The following EVC2 variants were observed in gnomAD, a reference collection of about 807,000 sequenced individuals.
The protein encoded by EVC2 is limbin.
A neutral mutation model predicts 149.3 loss-of-function variants in EVC2; 148 were observed. The observed-to-expected ratio is 0.99, with a 90% confidence interval of 0.87 to 1.14. The LOEUF is 1.14. Ranked by LOEUF, EVC2 falls within the 50% of genes most tolerant of loss-of-function variation. EVC2 has a pLI of 0.00. For synonymous variants in EVC2, 776 were observed against 649.9 expected, an observed-to-expected ratio of 1.19 and a Z score of -2.95; for missense variants, 1,854 against 1,627.3, an observed-to-expected ratio of 1.14 and a Z score of -2.40.
In EVC2 at chr4:5,597,483, T is replaced by C. The variant is rs544777428; in HGVS notation, c.2830-12633A>G. On this transcript the variant is annotated intron_variant, in intron 16 of 21. Transcript: ENST00000344408. Reference sequence around the variant, plus strand: ...GACAAAAACCACATGATTATCTCAATAGATGCAGAAAAGGCCTTTGACAAA... The same window carrying C: ...GACAAAAACCACATGATTATCTCAACAGATGCAGAAAAGGCCTTTGACAAA... 3.4e-3 allele frequency among the ~76,000 whole-genome samples: 519 copies of C among 151,208 alleles called. 1 individual carries two copies. The highest frequency in any genetic ancestry group is 6.8e-3 in the Middle Eastern group (2 of 294).
chr4:5,611,362 C>G (rs928992441), intron 16 of EVC2, among the ~76,000 whole-genome samples: 1 of 152,096 alleles, frequency 6.6e-6, no homozygotes, highest in Admixed American at 6.6e-5. Context: ...TGGTATCTGA[C>G]AGGAATTTGA....
At chr4:5,609,826 G>A (rs1220510160) in intron 16 of EVC2, among the ~76,000 whole-genome samples, 1 of 152,236 alleles carries the variant, frequency 6.6e-6, no homozygotes, top group African/African-American at 2.4e-5. Flanking sequence ...GAGAGCTTCT[G>A]CTTCCCGTGC....
chr4:5,682,737 T>A (rs1010594747), intron 6 of EVC2, among the ~76,000 whole-genome samples: 3 of 151,216 alleles, frequency 2.0e-5, no homozygotes, highest in African/African-American at 7.3e-5. Flanking sequence ...TGGGTGCCTG[T>A]AATTCCAGCT....
chr4:5,680,579 T>C (rs962522279), intron 7 of EVC2, among the ~76,000 whole-genome samples: 7 of 152,156 alleles, frequency 4.6e-5, no homozygotes, highest in Non-Finnish European at 4.4e-5. Context: ...GGGGTGGGTG[T>C]TGGGGACCCT....
At chr4:5,534,936 T>TA in the EVC2 span, among the ~76,000 whole-genome samples, 1 of 140,412 alleles carries the variant, frequency 7.1e-6, no homozygotes, top group African/African-American at 2.6e-5. Context: ...ACAGGAGAAT[T>TA]TAAAAAAAAA....
chr4:5,607,534 G>C (rs886561015), intron 16 of EVC2, among the ~76,000 whole-genome samples: 1 of 152,036 alleles, frequency 6.6e-6, no homozygotes, highest in Non-Finnish European at 1.5e-5. Context: ...TGGTCACTTT[G>C]GCCCCACAGG....
chr4:5,642,478 C>A (rs1717410131), intron 9 of EVC2, among the ~76,000 whole-genome samples: 1 of 152,118 alleles, frequency 6.6e-6, no homozygotes, highest in Non-Finnish European at 1.5e-5. Flanking sequence ...ATGTGATAGA[C>A]CACCATTCAA....
intron 9 of EVC2, among the ~76,000 whole-genome samples, chr4:5,641,711 A>G (rs1266923576): frequency 6.6e-6 from 1 of 152,212 alleles, no homozygotes; most frequent in Non-Finnish European, 1.5e-5. Context: ...CAAATAAAAA[A>G]AGGATTCATT....
chr4:5,609,839 G>A (rs1213500792), intron 16 of EVC2, among the ~76,000 whole-genome samples: 1 of 152,194 alleles, frequency 6.6e-6, no homozygotes, highest in Non-Finnish European at 1.5e-5. Flanking sequence ...TCCCGTGCTG[G>A]GTCTGCCACT....
In EVC2 at chr4:5,636,489, T is replaced by G. The variant is rs1180185546; in HGVS notation, c.1470+4025A>C. On this transcript the variant is annotated intron_variant, in intron 10 of 21. Transcript: ENST00000344408. The surrounding 1 kb of genome is among the most constrained non-coding windows in gnomAD (Gnocchi z 4.6). Reference sequence around the variant, plus strand: ...CATTCCCTAAACTATTTTTTATGCATTTATACAAACTATTTATAACTACAT... The same window carrying G: ...CATTCCCTAAACTATTTTTTATGCAGTTATACAAACTATTTATAACTACAT... Among the ~76,000 whole-genome samples the G allele has an allele frequency of 1.1e-4, 16 of 152,228 alleles. No homozygotes were observed. Among genetic ancestry groups the G allele is most frequent in the Admixed American group, 6.5e-4 (10 of 15,290 alleles).
intron 21 of EVC2, among the ~76,000 whole-genome samples, chr4:5,556,520 C>T (rs1363131998): frequency 1.3e-5 from 2 of 151,896 alleles, no homozygotes; most frequent in African/African-American, 4.8e-5. Context: ...TCTAAACTTC[C>T]ACCTTAGGAT....
chr4:5,703,963 C>T (rs868583928), intron 1 of EVC2, among the ~76,000 whole-genome samples: 3 of 152,044 alleles, frequency 2.0e-5, no homozygotes, highest in African/African-American at 7.2e-5. Flanking sequence ...AGAGGAAAGA[C>T]CCGTGCAAGG....
rs1181233035 is a variant in EVC2 at position 5,614,135 on chromosome 4, C to T, written c.2829+1287G>A. Among the ~76,000 whole-genome samples, 5 of 152,180 alleles carry T rather than the reference C, an allele frequency of 3.3e-5. No individual in the cohort carries two copies. In the South Asian group the frequency reaches 8.3e-4, roughly 25 times the overall value. ...GACAGACACTCAGGCTGCGGTCACA[C>T]AGCGTCTACTCTTAAGCAGCACCTT... is the stretch of plus-strand genomic sequence containing the variant. On this transcript the variant is annotated intron_variant, in intron 16 of 21. Coordinates refer to ENST00000344408, the MANE Select transcript of EVC2 (RefSeq NM_147127.5). This position sits in a 1 kb window ranked among gnomAD's most constrained non-coding sequence, Gnocchi z 4.7.
chr4:5,697,168 A>C (rs1354051130), intron 2 of EVC2, among the ~76,000 whole-genome samples: 1 of 152,230 alleles, frequency 6.6e-6, no homozygotes, highest in Non-Finnish European at 1.5e-5. Context: ...TGGAACCTCC[A>C]GAGGGAGCAG....
chr4:5,616,803 C>T (rs1307447133), intron 15 of EVC2, among the ~76,000 whole-genome samples: 52 of 152,120 alleles, frequency 3.4e-4, no homozygotes, highest in Admixed American at 3.4e-3. Context: ...CGAGCACCTT[C>T]GCGAAAAGGA....
intron 21 of EVC2, among the ~76,000 whole-genome samples, chr4:5,550,637 T>C (rs886332107): frequency 6.6e-6 from 1 of 152,200 alleles, no homozygotes; most frequent in African/African-American, 2.4e-5. Flanking sequence ...GTGGAGAAAT[T>C]CAAGCCAGCT....
intron 16 of EVC2, among the ~76,000 whole-genome samples, chr4:5,596,077 C>G (rs1220997181): frequency 3.9e-5 from 6 of 152,102 alleles, no homozygotes; most frequent in East Asian, 1.9e-4. Context: ...AGCAAGTCCT[C>G]AGTGACCTAC....
intron 1 of EVC2, among the ~76,000 whole-genome samples, chr4:5,705,202 C>T (rs190412687): frequency 1.1e-4 from 16 of 152,232 alleles, no homozygotes; most frequent in African/African-American, 2.9e-4. Context: ...AGTAAAATAA[C>T]GAAATGATAC....
chr4:5,582,640 G>A (rs59210867), intron 17 of EVC2, among the ~76,000 whole-genome samples: 1,942 of 152,304 alleles, frequency 0.013, 36 homozygotes, highest in African/African-American at 0.044. Flanking sequence ...GACTCTAGGG[G>A]ACTGTTGGGA....
Sources: gnomAD v4.1 joint callset for allele counts (sites outside exome capture counted in the v4.1 genomes callset) on GRCh38, gnomAD v4.1.1 for gene constraint, Gnocchi (gnomAD v3.1) non-coding constraint, MANE v1.5 for transcripts, NCBI Gene and HGNC (gene_info 2026-07-23, HGNC 2026-07-21) for gene names.